Variants in ABCA7 observed in about 807,000 individuals in gnomAD.
ABCA7 encodes phospholipid-transporting ATPase ABCA7.
ABCA7 carries 261 observed loss-of-function variants against 227.6 expected under a neutral mutation model. The observed-to-expected ratio is 1.15, with a 90% confidence interval of 1.04 to 1.27. The LOEUF (loss-of-function observed/expected upper bound fraction) is 1.27. Among genes scored for constraint, ABCA7 ranks in the 50% most tolerant of loss-of-function variants. ABCA7 has a pLI of 0.00. For missense variants in ABCA7, 3,331 were observed against 2,924.5 expected, an observed-to-expected ratio of 1.14 and a Z score of -3.21; for synonymous variants, 1,488 against 1,279.7, an observed-to-expected ratio of 1.16 and a Z score of -3.47.
In ABCA7 at chr19:1,047,503, G is replaced by T; in HGVS notation, c.2118G>T (p.Leu706=). ...AFGFGCESLA[L]LEEQGEGAQW... ...GCTTCGGCTGCGAGAGCCTGGCTCT[G>T]CTGGAGGAGCAGGGCGAGGGCGCGC... Residue 706 remains leucine, a synonymous_variant, in exon 16 of 47, where the codon CTG becomes CTT. Coordinates refer to ENST00000263094, the MANE Select transcript of ABCA7 (RefSeq NM_019112.4). The T allele has an allele frequency of 6.3e-7, 1 of 1,582,244 alleles. No individual in the cohort carries two copies.
At position 1,063,787 on chromosome 19, in the gene ABCA7, A is replaced by T; in HGVS notation, c.5875A>T (p.Ser1959Cys). 6.5e-7 allele frequency: 1 copy of T among 1,546,968 alleles called. No individual in the cohort carries two copies. Among genetic ancestry groups the T allele is most frequent in the Non-Finnish European group, 8.7e-7 (1 of 1,145,678 alleles). Residue 1959 changes from serine (S) to cysteine (C), a missense_variant, in exon 44 of 47, where the codon AGC (serine) becomes TGC (cysteine). Transcript: ENST00000263094. ...CGAGCCGACCACAGGCATGGACCCC[A>T]GCGCGCGGCGCTTCCTTTGGAACAG... ...LDEPTTGMDPSARRFLWNSLL... is the reference protein window; with the variant it reads ...LDEPTTGMDPCARRFLWNSLL...
chr19:1,043,998 C>T (rs981997709), intron 10 of ABCA7, among the ~76,000 whole-genome samples, 157 bp downstream of exon 10: 3 of 146,914 alleles, frequency 2.0e-5, no homozygotes, highest in Non-Finnish European at 3.0e-5. Context: ...AATGCAGTGG[C>T]GTGATCTCGA....
rs749562991 is a variant in ABCA7, at chr19:1,044,772, G to A, written c.1215+28G>A. ...GAGGGCCTGTCCACCTGCGGGGTCTGTTTCAGTGGGGAGGGCAGGTCCCAT... is the reference window on the plus strand; with the variant it reads ...GAGGGCCTGTCCACCTGCGGGGTCTATTTCAGTGGGGAGGGCAGGTCCCAT... On this transcript the variant is annotated intron_variant, in intron 11 of 46. Coordinates refer to ENST00000263094, the MANE Select transcript of ABCA7 (RefSeq NM_019112.4). 4 of 1,569,760 alleles carry A rather than the reference G, an allele frequency of 2.5e-6. No individual in the cohort carries two copies. The Admixed American group carries it at 7.5e-5, about 29-fold the overall frequency.
chr19:1,059,142 G>T, intron 40 of ABCA7, 57 bp downstream of exon 40: 1 of 1,572,532 alleles, frequency 6.4e-7, no homozygotes, highest in Non-Finnish European at 8.6e-7. Flanking sequence ...CCTACTGCAT[G>T]CCCTGCCCAT....
At position 1,047,488 on chromosome 19, in the gene ABCA7, C is replaced by T. The variant is rs747330070; in HGVS notation, c.2103C>T (p.Cys701=). ...CGCCCGTGGCCTTCGGCTTCGGCTG[C>T]GAGAGCCTGGCTCTGCTGGAGGAGC... ...LLSPVAFGFG[C]ESLALLEEQG... The change falls in exon 16 of 47, where the codon TGC becomes TGT. Residue 701 remains cysteine, a synonymous_variant. Coordinates refer to ENST00000263094, the MANE Select transcript of ABCA7 (RefSeq NM_019112.4). 6.4e-7 allele frequency: 1 copy of T among 1,571,708 alleles called. No homozygotes were observed. Among genetic ancestry groups the T allele is most frequent in the Non-Finnish European group, 8.6e-7 (1 of 1,163,814 alleles).
chr19:1,043,361 C>T lies in ABCA7; in HGVS notation c.818C>T (p.Ala273Val). 1.2e-6 allele frequency: 2 copies of T among 1,613,126 alleles called. No homozygotes were observed. The highest frequency in any genetic ancestry group is 1.1e-5 in the South Asian group (1 of 91,088). ...CCCGCCTGCTCGGAGCTGATTGGAG[C>T]CCTGGACAGCCACCCGCTGTCCCGC... ...LSPACSELIG[A>V]LDSHPLSRLL... is the part of the protein sequence containing the mutation. The change falls in exon 9 of 47, where the codon GCC (alanine) becomes GTC (valine). Residue 273 changes from alanine (A) to valine (V), a missense_variant. By Grantham distance (64) the Ala-to-Val change is moderately conservative. Transcript: ENST00000263094.
At chr19:1,042,275 C>T in intron 5 of ABCA7, 40 bp from the exon 6 acceptor site, 4 of 1,577,572 alleles carry the variant, frequency 2.5e-6, no homozygotes, top group Non-Finnish European at 3.5e-6. Flanking sequence ...CTCAGACCAA[C>T]GTCCCCCCAG....
At chr19:1,047,773 G>A (rs1019444468) in intron 16 of ABCA7, 119 bp downstream of exon 16, 3 of 1,194,588 alleles carry the variant, frequency 2.5e-6, no homozygotes, top group African/African-American at 1.6e-5. Flanking sequence ...TTGGAGAGAA[G>A]GCGGGGCTTC....
In ABCA7 at chr19:1,042,335, C is replaced by A. The variant is rs1329585026; in HGVS notation, c.436C>A (p.Gln146Lys). 5.0e-6 allele frequency: 8 copies of A among 1,584,416 alleles called. No homozygotes were observed. Among genetic ancestry groups the A allele is most frequent in the Non-Finnish European group, 6.9e-6 (8 of 1,160,172 alleles). The change falls in exon 6 of 47, where the codon CAG becomes AAG. Residue 146 changes from glutamine to lysine, a missense_variant. Coordinates refer to ENST00000263094, the MANE Select transcript of ABCA7 (RefSeq NM_019112.4). The stretch of plus-strand genomic sequence containing the variant: ...CCCAGCCCAGCCTCAACCAACCAAG[C>A]AGTCTCCACTGGAACCACCCATGCT... ...RSTAQPQPTK[Q>K]SPLEPPMLDV...
At chr19:1,053,569 G>T (rs1324651990) in intron 24 of ABCA7, 38 bp downstream of exon 24, 1 of 1,546,866 alleles carries the variant, frequency 6.5e-7, no homozygotes, top group Non-Finnish European at 8.7e-7. Flanking sequence ...GGGCCAGGAG[G>T]AGGGCTTCCT....
Position 1,058,212 on chromosome 19 carries a change from C to CGG in ABCA7, c.5096_5097dup (p.Leu1700GlyfsTer40), listed in dbSNP as rs1291011092. 2.5e-6 allele frequency: 4 copies of CGG among 1,613,290 alleles called. No individual in the cohort carries two copies. The Admixed American group carries it at 6.7e-5, about 27-fold the overall frequency. On this transcript the variant is annotated frameshift_variant, in exon 37 of 47. Coordinates refer to ENST00000263094, the MANE Select transcript of ABCA7 (RefSeq NM_019112.4). LOFTEE classifies it high-confidence loss of function. Reference sequence around the variant, plus strand: ...TATCTTCCCCCACTTCTGCTTGGGCCGGGGGCTCATTGACATGGTGCGGAA... The same window carrying CGG: ...TATCTTCCCCCACTTCTGCTTGGGCCGGGGGGGCTCATTGACATGGTGCGGAA...
chr19:1,053,559 G>C (rs1329009413), intron 24 of ABCA7, 28 bp downstream of exon 24: 1 of 1,549,288 alleles, frequency 6.5e-7, no homozygotes, highest in Non-Finnish European at 8.7e-7. Flanking sequence ...TGGTGAGGTG[G>C]GGCCAGGAGG....
At position 1,053,824 on chromosome 19, in the gene ABCA7, A is replaced by G. The variant is rs747255006; in HGVS notation, c.3460A>G (p.Thr1154Ala). Residue 1154 changes from threonine to alanine, a missense_variant, in exon 25 of 47, where the codon ACA becomes GCA. By Grantham distance (58) the Thr-to-Ala change is moderately conservative (BLOSUM62 0). Coordinates refer to ENST00000263094, the MANE Select transcript of ABCA7 (RefSeq NM_019112.4). ...GGTGGTGGAGGAGTGTGCTGCGGACACAGATATGGAGGGTGCGGCCACAGC... is the reference window on the plus strand; with the variant it reads ...GGTGGTGGAGGAGTGTGCTGCGGACGCAGATATGGAGGGTGCGGCCACAGC... ...LKVVEECAAD[T>A]DMEDGSCGQH... The G allele has an allele frequency of 3.1e-6, 5 of 1,612,060 alleles. No homozygotes were observed. Among genetic ancestry groups the G allele is most frequent in the Non-Finnish European group, 3.4e-6 (4 of 1,178,808 alleles).
rs371516353 is a variant in ABCA7, at chr19:1,045,167, C to A, written c.1381C>A (p.His461Asn). 2 of 1,612,840 alleles carry A rather than the reference C, an allele frequency of 1.2e-6. No homozygotes were observed. The change falls in exon 12 of 47, where the codon CAC becomes AAC. Residue 461 changes from histidine to asparagine, a missense_variant. By Grantham distance (68) the His-to-Asn change is moderately conservative. Transcript: ENST00000263094. ...EHPTPDLGPG[H>N]VRIKIRMDID... The stretch of plus-strand genomic sequence containing the variant: ...CCCAACCCCAGACCTGGGCCCCGGC[C>A]ACGTGCGCATCAAAATCCGCATGGA...
chr19:1,047,939 A>T (rs2040879777), intron 16 of ABCA7, among the ~76,000 whole-genome samples: 1 of 152,234 alleles, frequency 6.6e-6, no homozygotes, highest in Non-Finnish European at 1.5e-5. Flanking sequence ...TTGTAATCCC[A>T]GCACTTTGGG....
chr19:1,051,171 C>T lies in ABCA7; in HGVS notation c.2701C>T (p.His901Tyr), dbSNP rs1382020829. Residue 901 changes from histidine to tyrosine, a missense_variant, in exon 20 of 47, where the codon CAC becomes TAC. Coordinates refer to ENST00000263094, the MANE Select transcript of ABCA7 (RefSeq NM_019112.4). ...TGGCCGCAGGCTGACCGTGGACGAG[C>T]ACGTCTGGTTCTATGGGCGGCTGAA... Reference protein sequence around the residue: ...VLFDMLTVDEHVWFYGRLKGL... With the variant: ...VLFDMLTVDEYVWFYGRLKGL... 2 of 1,611,210 alleles carry T rather than the reference C, an allele frequency of 1.2e-6. No individual in the cohort carries two copies. The highest frequency in any genetic ancestry group is 3.3e-5 in the Admixed American group (2 of 60,016).
In ABCA7 at chr19:1,045,232, G is replaced by C. The variant is rs763526580; in HGVS notation, c.1445+1G>C. 3 of 1,571,538 alleles carry C rather than the reference G, an allele frequency of 1.9e-6. No individual in the cohort carries two copies. The highest frequency in any genetic ancestry group is 2.6e-6 in the Non-Finnish European group (3 of 1,146,660). ...CGAGGACCAATAAGATCAGGGACAG[G>C]TCAGGCGAGGGAGGGGGCGGGGGGA... On this transcript the variant is annotated splice_donor_variant, in intron 12 of 46. Transcript: ENST00000263094. LOFTEE classifies it high-confidence loss of function.
In ABCA7 at chr19:1,060,158, A is replaced by G. The variant is rs561685770; in HGVS notation, c.5463+1073A>G. On this transcript the variant is annotated intron_variant, in intron 40 of 46. Coordinates refer to ENST00000263094, the MANE Select transcript of ABCA7 (RefSeq NM_019112.4). ...TGGCCACCTACTAGGGCTGGTACAC[A>G]TCTGCAAACAAGTGCTGTTTGTTAG... Among the ~76,000 whole-genome samples the G allele has an allele frequency of 4.6e-5, 7 of 151,814 alleles. No homozygotes were observed. The East Asian group carries it at 1.2e-3, about 25-fold the overall frequency.
chr19:1,043,136 C>T lies in ABCA7; in HGVS notation c.675C>T (p.Cys225=). The change falls in exon 8 of 47, where the codon TGC becomes TGT. Residue 225 remains cysteine (C), a synonymous_variant. Transcript: ENST00000263094. ...TGGAGTTGCTGTCAGAGGCCCTCTGCAGTGTCAGGGGACCTAGCAGCACAG... is the reference window on the plus strand; with the variant it reads ...TGGAGTTGCTGTCAGAGGCCCTCTGTAGTGTCAGGGGACCTAGCAGCACAG... ...GPLELLSEAL[C]SVRGPSSTVG... is the part of the protein sequence containing the mutation. 1 of 1,612,556 alleles carries T rather than the reference C, an allele frequency of 6.2e-7. No individual in the cohort carries two copies.
Sources: gnomAD v4.1 joint callset for allele counts (sites outside exome capture counted in the v4.1 genomes callset) on GRCh38, gnomAD v4.1.1 for gene constraint, MANE v1.5 for transcripts, NCBI Gene and HGNC (gene_info 2026-07-23, HGNC 2026-07-21) for gene names.